The following ERBB4 variants were observed in gnomAD, a reference collection of about 807,000 sequenced individuals.
ERBB4 encodes erb-b2 receptor tyrosine kinase 4.
ERBB4 carries 42 observed loss-of-function variants against 158.0 expected under a neutral mutation model. That is an observed-to-expected ratio of 0.27 (90% confidence interval 0.21 to 0.34). The LOEUF is 0.34. Among genes scored for constraint, ERBB4 ranks in the 10% least tolerant of loss-of-function variants. ERBB4 has a pLI of 1.00. For missense variants in ERBB4, 1,333 were observed against 1,624.1 expected (o/e 0.82, Z 3.08); for synonymous variants, 583 against 558.7 (o/e 1.04, Z -0.61).
At chr2:211,739,426 T>A (rs1474427272) in intron 5 of ERBB4, among the ~76,000 whole-genome samples, 1 of 152,154 alleles carries the variant, frequency 6.6e-6, no homozygotes, top group Admixed American at 6.5e-5. Context: ...ATAGGGAAAA[T>A]GATTCCACAA....
chr2:212,145,403 T>A (rs1407459762), intron 1 of ERBB4, among the ~76,000 whole-genome samples: 1 of 152,182 alleles, frequency 6.6e-6, no homozygotes, highest in Non-Finnish European at 1.5e-5. Flanking sequence ...GTTATAAATT[T>A]CAGGGTTGTC....
At chr2:211,632,134 A>G (rs553138772) in intron 16 of ERBB4, among the ~76,000 whole-genome samples, 57 of 152,102 alleles carry the variant, frequency 3.7e-4, no homozygotes, top group Non-Finnish European at 7.5e-4. Flanking sequence ...TCAAAGTACT[A>G]TAGTATACTG....
intron 1 of ERBB4, among the ~76,000 whole-genome samples, chr2:212,217,504 G>A (rs962654710): frequency 2.6e-5 from 4 of 151,198 alleles, no homozygotes; most frequent in African/African-American, 9.7e-5. Flanking sequence ...AGGAGACATG[G>A]AGAGAATTTG....
At position 212,513,737 on chromosome 2, in the gene ERBB4, A is replaced by G. The variant is rs111582841; in HGVS notation, c.82+24712T>C. Reference sequence around the variant, plus strand: ...TGAGGCAGGAGAATGGCATGAACCCAGGAGGCGGAGCTTGCAGTGCGCCAA... The same window carrying G: ...TGAGGCAGGAGAATGGCATGAACCCGGGAGGCGGAGCTTGCAGTGCGCCAA... On this transcript the variant is annotated intron_variant, in intron 1 of 27. Coordinates refer to ENST00000342788, the MANE Select transcript of ERBB4 (RefSeq NM_005235.3). 2.9e-3 allele frequency among the ~76,000 whole-genome samples: 439 copies of G among 152,268 alleles called. 1 individual carries two copies. Among genetic ancestry groups the G allele is most frequent in the African/African-American group, 9.9e-3 (412 of 41,570 alleles).
intron 2 of ERBB4, among the ~76,000 whole-genome samples, chr2:211,954,696 G>A (rs2080980496): frequency 6.6e-6 from 1 of 152,010 alleles, no homozygotes; most frequent in Admixed American, 6.6e-5. Context: ...GGTAATGACT[G>A]CAGAATTTAT....
At position 212,231,372 on chromosome 2, in the gene ERBB4, T is replaced by C. The variant is rs2083660700; in HGVS notation, c.83-106469A>G. Among the ~76,000 whole-genome samples, 4 of 152,244 alleles carry C rather than the reference T, an allele frequency of 2.6e-5. No individual in the cohort carries two copies. In the South Asian group the frequency reaches 8.3e-4, roughly 31 times the overall value. On this transcript the variant is annotated intron_variant, in intron 1 of 27. Coordinates refer to ENST00000342788, the MANE Select transcript of ERBB4 (RefSeq NM_005235.3). ...CATTTGTCTGGACTCCTGATGGGCT[T>C]AAACCTAAGGAGACCTGGAACTTTA...
intron 2 of ERBB4, among the ~76,000 whole-genome samples, chr2:212,037,113 T>TG (rs75429672): frequency 2.6e-5 from 4 of 151,938 alleles, no homozygotes; most frequent in Admixed American, 2.6e-4. Context: ...GAAGGGTTTT[T>TG]TTGTTTGTTG....
chr2:212,503,754 T>C (rs1691030208), intron 1 of ERBB4, among the ~76,000 whole-genome samples: 1 of 152,338 alleles, frequency 6.6e-6, no homozygotes, highest in African/African-American at 2.4e-5. Context: ...ACGTGACCTT[T>C]AGAGGAACAG....
chr2:212,227,709 C>G (rs2083520441), intron 1 of ERBB4, among the ~76,000 whole-genome samples: 1 of 152,036 alleles, frequency 6.6e-6, no homozygotes, highest in Non-Finnish European at 1.5e-5. Context: ...GTGCTATTTC[C>G]TTACCTTTAG....
At chr2:211,743,902 G>A (rs2074877073) in intron 5 of ERBB4, among the ~76,000 whole-genome samples, 1 of 152,160 alleles carries the variant, frequency 6.6e-6, no homozygotes, top group Non-Finnish European at 1.5e-5. Context: ...AACTCTGTGA[G>A]AAATTTTCTT....
intron 2 of ERBB4, among the ~76,000 whole-genome samples, chr2:211,968,125 G>C (rs1191376855): frequency 6.6e-6 from 1 of 151,912 alleles, no homozygotes; most frequent in Non-Finnish European, 1.5e-5. Context: ...ACTTTAAAAA[G>C]CCATTTTCTT....
At chr2:212,394,588 T>A (rs2090970475) in intron 1 of ERBB4, among the ~76,000 whole-genome samples, 2 of 152,076 alleles carry the variant, frequency 1.3e-5, no homozygotes, top group Admixed American at 1.3e-4. Context: ...GAATTAGAGA[T>A]CAGAAAAGAT....
At chr2:211,979,120 C>G (rs912325943) in intron 2 of ERBB4, among the ~76,000 whole-genome samples, 2 of 152,042 alleles carry the variant, frequency 1.3e-5, no homozygotes, top group East Asian at 3.9e-4. Context: ...CACGGAAACA[C>G]AATAGACCAA....
chr2:212,251,840 T>C (rs1574522512), intron 1 of ERBB4, among the ~76,000 whole-genome samples: 1 of 151,994 alleles, frequency 6.6e-6, no homozygotes, highest in Admixed American at 6.6e-5. Flanking sequence ...TAGGAAGCCA[T>C]GGGAAGTTAA....
chr2:212,298,060 GTAT>G (rs1373750555), intron 1 of ERBB4, among the ~76,000 whole-genome samples: 2 of 151,702 alleles, frequency 1.3e-5, no homozygotes, highest in Non-Finnish European at 1.5e-5. Flanking sequence ...TGAGTAAAAT[GTAT>G]TATTATCTTA....
At chr2:211,718,741 AT>A in intron 7 of ERBB4, among the ~76,000 whole-genome samples, 1 of 152,038 alleles carries the variant, frequency 6.6e-6, no homozygotes, top group Non-Finnish European at 1.5e-5. Flanking sequence ...AAAAAAAAAC[AT>A]GGTATACCAC....
chr2:211,944,075 G>T (rs1287495925), intron 3 of ERBB4, among the ~76,000 whole-genome samples: 1 of 72,696 alleles, frequency 1.4e-5, no homozygotes, highest in East Asian at 3.2e-4. Flanking sequence ...TATACACATG[G>T]TTACACTATA....
intron 2 of ERBB4, among the ~76,000 whole-genome samples, chr2:212,090,398 C>A (rs2078738335): frequency 6.6e-6 from 1 of 152,084 alleles, no homozygotes; most frequent in Admixed American, 6.6e-5. Flanking sequence ...TTGAAACTTT[C>A]ATGGCTCTAT....
chr2:211,724,823 C>T (rs1203635155), intron 6 of ERBB4, among the ~76,000 whole-genome samples: 3 of 152,064 alleles, frequency 2.0e-5, no homozygotes, highest in Non-Finnish European at 2.9e-5. Flanking sequence ...AAAGATATCT[C>T]AATATGTTCT....
Sources: gnomAD v4.1 joint callset for allele counts (sites outside exome capture counted in the v4.1 genomes callset) on GRCh38, gnomAD v4.1.1 for gene constraint, MANE v1.5 for transcripts, NCBI Gene and HGNC (gene_info 2026-07-23, HGNC 2026-07-21) for gene names.